SASH1: variants seen among roughly 807,000 people sequenced by gnomAD.
The protein encoded by SASH1 is SAM and SH3 domain-containing protein 1.
SASH1 carries 44 observed loss-of-function variants against 125.2 expected under a neutral mutation model. The observed-to-expected ratio is 0.35, with a 90% confidence interval of 0.28 to 0.45. The LOEUF is 0.45. SASH1 is among the 20% of genes least tolerant of loss of function. The pLI, the probability that SASH1 is intolerant of heterozygous loss-of-function variation, is 1.00. For synonymous variants in SASH1, 639 were observed against 649.1 expected (o/e 0.98, Z 0.24); for missense variants, 1,426 against 1,614.5 (o/e 0.88, Z 2.00).
At chr6:148,285,806 A>T (rs558398938) in intron 1 of SASH1, among the ~76,000 whole-genome samples, 9 of 152,302 alleles carry the variant, frequency 5.9e-5, no homozygotes, top group African/African-American at 1.9e-4. Context: ...GCAAACACAT[A>T]ATTAAGGTAG....
chr6:148,287,445 G>A (rs1409261815), intron 1 of SASH1, among the ~76,000 whole-genome samples: 1 of 152,094 alleles, frequency 6.6e-6, no homozygotes, highest in African/African-American at 2.4e-5. Flanking sequence ...ATCCTTTGAG[G>A]ATGGTCACAC....
intron 2 of SASH1, among the ~76,000 whole-genome samples, chr6:148,433,915 T>C (rs1776169712): frequency 6.6e-6 from 1 of 151,886 alleles, no homozygotes; most frequent in Non-Finnish European, 1.5e-5. Context: ...ATATATATCT[T>C]TTATTATGTT....
chr6:148,510,125 C>G (rs1376885496), intron 8 of SASH1, among the ~76,000 whole-genome samples: 2 of 152,138 alleles, frequency 1.3e-5, no homozygotes, highest in African/African-American at 4.8e-5. Flanking sequence ...CTATGGAAAC[C>G]AGAAATGAAA....
At chr6:148,232,109 A>G in the SASH1 span, among the ~76,000 whole-genome samples, 2 of 152,136 alleles carry the variant, frequency 1.3e-5, no homozygotes, top group Non-Finnish European at 2.9e-5. Flanking sequence ...GATCTGGACA[A>G]GAGTTGTAGT....
In SASH1 at chr6:148,289,001, CT is replaced by C. The variant is rs552526012; in HGVS notation, n.74+16634del. 1.3e-3 allele frequency among the ~76,000 whole-genome samples: 199 copies of C among 148,768 alleles called. 1 individual carries two copies. Among genetic ancestry groups the C allele is most frequent in the South Asian group, 1.1e-3 (5 of 4,670 alleles). On this transcript the variant is annotated intron_variant and non_coding_transcript_variant, in intron 1 of 3. Transcript: ENST00000367469. ...CTGTGCCCTTTTTCTTTTTTTCTTT[CT>C]TTTTTTTTTGTGACGGAGTTTCACT... is the stretch of plus-strand genomic sequence containing the variant.
chr6:148,544,254 G>A lies in SASH1; in HGVS notation c.2784G>A (p.Leu928=), dbSNP rs1183562453. The change falls in exon 18 of 20, where the codon TTG becomes TTA. Residue 928 remains leucine (L), a synonymous_variant. Coordinates refer to ENST00000367467, the MANE Select transcript of SASH1 (RefSeq NM_015278.5). The surrounding 1 kb of genome is among the most constrained non-coding windows in gnomAD (Gnocchi z 6.4). ...GCGGCCTGTCACCCCCTCAGTGTTTGCCCAGAAACTATGATGCTCAGCCTC... is the reference window on the plus strand; with the variant it reads ...GCGGCCTGTCACCCCCTCAGTGTTTACCCAGAAACTATGATGCTCAGCCTC... ...SGRGLSPPQC[L]PRNYDAQPPG... The A allele has an allele frequency of 2.5e-6, 4 of 1,613,984 alleles. No homozygotes were observed. In the African/African-American group the frequency reaches 5.3e-5, roughly 22 times the overall value.
At chr6:148,488,119 ACT>A (rs1349536322) in intron 8 of SASH1, among the ~76,000 whole-genome samples, 5 of 150,966 alleles carry the variant, frequency 3.3e-5, no homozygotes, top group Non-Finnish European at 5.9e-5. Flanking sequence ...TTAAACAATA[ACT>A]CTCCCTACGC....
chr6:148,440,885 T>G (rs1244802057), intron 4 of SASH1, among the ~76,000 whole-genome samples: 1 of 152,164 alleles, frequency 6.6e-6, no homozygotes, highest in African/African-American at 2.4e-5. Context: ...TGGCAAATGA[T>G]CCCTAGCGTT....
At chr6:148,248,786 T>C in the SASH1 span, among the ~76,000 whole-genome samples, 1 of 152,224 alleles carries the variant, frequency 6.6e-6, no homozygotes, top group Non-Finnish European at 1.5e-5. Context: ...GGGGAAGATA[T>C]ACAAAGGACA....
chr6:148,469,840 A>G lies in SASH1; in HGVS notation c.427+1255A>G, dbSNP rs574980464. ...CAGGAGTTCGAGACCAGCCTGGCCA[A>G]TATGTCGAAACCTCATCTCTACTAA... On this transcript the variant is annotated intron_variant, in intron 5 of 19. Coordinates refer to ENST00000367467, the MANE Select transcript of SASH1 (RefSeq NM_015278.5). Among the ~76,000 whole-genome samples the G allele has an allele frequency of 2.0e-5, 3 of 152,218 alleles. No homozygotes were observed. In the South Asian group the frequency reaches 6.2e-4, roughly 32 times the overall value.
At chr6:148,478,501 G>A (rs998621482) in intron 7 of SASH1, among the ~76,000 whole-genome samples, 1 of 152,178 alleles carries the variant, frequency 6.6e-6, no homozygotes, top group African/African-American at 2.4e-5. Flanking sequence ...TGGAGATAGA[G>A]AGTAGAATGA....
intron 8 of SASH1, among the ~76,000 whole-genome samples, chr6:148,494,039 T>C (rs1192286831): frequency 6.6e-6 from 1 of 152,218 alleles, no homozygotes; most frequent in Non-Finnish European, 1.5e-5. Context: ...AAAGAAATTA[T>C]GATCTCTGTT....
intron 11 of SASH1, among the ~76,000 whole-genome samples, chr6:148,526,486 A>G (rs983446084): frequency 6.6e-6 from 1 of 152,218 alleles, no homozygotes; most frequent in Admixed American, 6.5e-5. Flanking sequence ...TGGGATATAT[A>G]TGAAATGTTT....
At chr6:148,483,176 A>G (rs1220365846) in intron 7 of SASH1, among the ~76,000 whole-genome samples, 1 of 152,022 alleles carries the variant, frequency 6.6e-6, no homozygotes, top group Non-Finnish European at 1.5e-5. Context: ...TCTAGTGAAA[A>G]CCTCAGGCTG....
chr6:148,307,094 T>TTCTTTCTTTCTC (rs1240787953), intron 1 of SASH1, among the ~76,000 whole-genome samples: 11 of 120,752 alleles, frequency 9.1e-5, no homozygotes, highest in African/African-American at 2.5e-4. Flanking sequence ...CTTTCTTTCT[T>TTCTTTCTTTCTC]TCTCTCTCTC....
chr6:148,482,025 C>T (rs1016010510), intron 7 of SASH1, among the ~76,000 whole-genome samples: 1 of 148,202 alleles, frequency 6.7e-6, no homozygotes, highest in Non-Finnish European at 1.5e-5. Flanking sequence ...CAAGTAAGTT[C>T]AGGACATTCA....
At chr6:148,368,777 C>CACACACACACACACACACACACAA in intron 1 of SASH1, among the ~76,000 whole-genome samples, 1 of 151,576 alleles carries the variant, frequency 6.6e-6, no homozygotes, top group South Asian at 2.1e-4. Flanking sequence ...CGCGCACACA[C>CACACACACACACACACACACACAA]ACACACACAC....
the SASH1 span, among the ~76,000 whole-genome samples, chr6:148,231,704 C>A: frequency 6.6e-6 from 1 of 151,966 alleles, no homozygotes; most frequent in African/African-American, 2.4e-5. Flanking sequence ...GAAAGGTGAA[C>A]ATAAGCTCAG....
At position 148,549,368 on chromosome 6, in the gene SASH1, C is replaced by A; in HGVS notation, c.*810C>A. ...TTTGGTTTTTAAGCTAACTACAAATCTAGTAAAAAGCTATCTGAAATTCAC... is the reference window on the plus strand; with the variant it reads ...TTTGGTTTTTAAGCTAACTACAAATATAGTAAAAAGCTATCTGAAATTCAC... On this transcript the variant is annotated 3_prime_UTR_variant, in exon 20 of 20. Transcript: ENST00000367467. 2.7e-6 allele frequency: 1 copy of A among 364,964 alleles called. No homozygotes were observed. The allele number at this position is 364,964 out of a possible 1,614,324, so 22.6% of individuals were successfully genotyped here.
Sources: gnomAD v4.1 joint callset for allele counts (sites outside exome capture counted in the v4.1 genomes callset) on GRCh38, gnomAD v4.1.1 for gene constraint, Gnocchi (gnomAD v3.1) non-coding constraint, MANE v1.5 for transcripts, NCBI Gene and HGNC (gene_info 2026-07-23, HGNC 2026-07-21) for gene names.